DCLK2: variants seen among roughly 807,000 people sequenced by gnomAD.
DCLK2 encodes serine/threonine-protein kinase DCLK2.
A neutral mutation model predicts 78.4 loss-of-function variants in DCLK2; 31 were observed. That is an observed-to-expected ratio of 0.40 (90% CI 0.30 to 0.53). The LOEUF is 0.53. Ranked by LOEUF, DCLK2 falls within the 20% of genes least tolerant of loss-of-function variation. DCLK2 has a pLI of 0.61. For missense variants in DCLK2, 872 were observed against 973.7 expected (o/e 0.90, Z 1.39); for synonymous variants, 407 against 374.9 (o/e 1.09, Z -0.99).
chr4:150,195,437 A>ATATAT (rs1553967387), intron 3 of DCLK2, among the ~76,000 whole-genome samples: 1 of 1,776 alleles, frequency 5.6e-4, no homozygotes, highest in East Asian at 3.0e-3. Flanking sequence ...TATATATTAT[A>ATATAT]TATATAATAT....
intron 2 of DCLK2, among the ~76,000 whole-genome samples, chr4:150,157,313 C>T (rs1430559996): frequency 3.3e-5 from 5 of 151,790 alleles, no homozygotes; most frequent in African/African-American, 9.7e-5. Flanking sequence ...CAAGGTCTTG[C>T]CCTGTCACCC....
intron 12 of DCLK2, among the ~76,000 whole-genome samples, chr4:150,242,548 G>T (rs1743003602): frequency 6.6e-6 from 1 of 152,154 alleles, no homozygotes; most frequent in South Asian, 2.1e-4. Context: ...GGCTCAGCAG[G>T]GGCTTGATGG....
At chr4:150,179,416 G>T (rs1329199437) in intron 2 of DCLK2, among the ~76,000 whole-genome samples, 1 of 152,118 alleles carries the variant, frequency 6.6e-6, no homozygotes, top group Non-Finnish European at 1.5e-5. Flanking sequence ...TTTGCTATTC[G>T]TGCTGAATAG....
intron 1 of DCLK2, among the ~76,000 whole-genome samples, chr4:150,089,397 A>C (rs528304933): frequency 6.6e-6 from 1 of 152,202 alleles, no homozygotes; most frequent in Non-Finnish European, 1.5e-5. Flanking sequence ...CTTTTGAGGA[A>C]AGTTTTGCCT....
chr4:150,185,713 CAAAA>C (rs10706869), intron 2 of DCLK2, among the ~76,000 whole-genome samples: 6 of 141,288 alleles, frequency 4.2e-5, no homozygotes, highest in African/African-American at 1.5e-4. Context: ...GATTTCATCT[CAAAA>C]AAAAAAAAAA....
Position 150,133,819 on chromosome 4 carries a change from A to T in DCLK2, c.756+31007A>T, listed in dbSNP as rs576615628. Among the ~76,000 whole-genome samples the T allele has an allele frequency of 5.1e-4, 78 of 152,354 alleles. 1 individual carries two copies. Among genetic ancestry groups the T allele is most frequent in the African/African-American group, 1.9e-3 (78 of 41,582 alleles). On this transcript the variant is annotated intron_variant, in intron 2 of 15. Transcript: ENST00000296550. ...TTGCATTAGATTCAGTTCATGAGTC[A>T]TGTAAACAAGGGTTGTAGCAAAGCA... is the stretch of plus-strand genomic sequence containing the variant.
At chr4:150,088,177 A>G (rs1267849004) in intron 1 of DCLK2, among the ~76,000 whole-genome samples, 1 of 152,172 alleles carries the variant, frequency 6.6e-6, no homozygotes, top group East Asian at 1.9e-4. Flanking sequence ...TGAAGAATCA[A>G]GAAAAAAGGC....
intron 2 of DCLK2, among the ~76,000 whole-genome samples, chr4:150,136,709 G>T (rs985433628): frequency 6.6e-6 from 1 of 152,118 alleles, no homozygotes; most frequent in Non-Finnish European, 1.5e-5. Flanking sequence ...TTTCTATGTG[G>T]TTAGCAACTG....
At chr4:150,186,795 G>T (rs1007169792) in intron 2 of DCLK2, among the ~76,000 whole-genome samples, 1 of 152,150 alleles carries the variant, frequency 6.6e-6, no homozygotes, top group Non-Finnish European at 1.5e-5. Context: ...TGAGAGGCCA[G>T]AGTGAGAGGA....
At chr4:150,159,406 A>G (rs1735544042) in intron 2 of DCLK2, among the ~76,000 whole-genome samples, 1 of 152,114 alleles carries the variant, frequency 6.6e-6, no homozygotes, top group Admixed American at 6.5e-5. Flanking sequence ...TTCTCTTGTC[A>G]CTTCTTCTCT....
In DCLK2 at chr4:150,256,911, A is replaced by G. The variant is rs1184128629; in HGVS notation, c.*664A>G. On this transcript the variant is annotated 3_prime_UTR_variant, in exon 16 of 16. Coordinates refer to ENST00000296550, the MANE Select transcript of DCLK2 (RefSeq NM_001040260.4). ...TTGGGGCACCAGGCTCCCCAGAGAC[A>G]ATGCTCAGTATTCATTCATACACAG... 1 of 152,324 alleles carries G rather than the reference A, an allele frequency of 6.6e-6. No homozygotes were observed. The highest frequency in any genetic ancestry group is 1.5e-5 in the Non-Finnish European group (1 of 68,136). 9.4% of individuals were successfully genotyped at this position (152,324 alleles called of 1,614,324 possible).
chr4:150,190,839 A>C (rs1280725026), intron 2 of DCLK2, among the ~76,000 whole-genome samples: 1 of 152,012 alleles, frequency 6.6e-6, no homozygotes, highest in East Asian at 1.9e-4. Flanking sequence ...ACAACAAAAC[A>C]CCAGCAGTTT....
In DCLK2 at chr4:150,232,796, G is replaced by T; in HGVS notation, c.1534G>T (p.Val512Leu). The T allele has an allele frequency of 1.2e-6, 2 of 1,613,838 alleles. No individual in the cohort carries two copies. The highest frequency in any genetic ancestry group is 1.7e-6 in the Non-Finnish European group (2 of 1,179,846). The change falls in exon 10 of 16, where the codon GTG becomes TTG. Residue 512 changes from valine (V) to leucine (L), a missense_variant. Val to Leu is a conservative substitution (Grantham distance 32, BLOSUM62 1). Transcript: ENST00000296550. ...CAGGTATCTCCATGGCCTCAGCATCGTGCACAGAGACATCAAACCAGAGAA... is the reference window on the plus strand; with the variant it reads ...CAGGTATCTCCATGGCCTCAGCATCTTGCACAGAGACATCAAACCAGAGAA... ...ALRYLHGLSI[V>L]HRDIKPENLL...
chr4:150,190,252 T>C (rs371130505), intron 2 of DCLK2, among the ~76,000 whole-genome samples: 10,740 of 89,046 alleles, frequency 0.12, 511 homozygotes, highest in African/African-American at 0.14. Flanking sequence ...GATAGATAGA[T>C]AGATAGATAG....
intron 2 of DCLK2, among the ~76,000 whole-genome samples, chr4:150,166,337 T>TA (rs145119463): frequency 4.1e-5 from 6 of 148,012 alleles, no homozygotes; most frequent in African/African-American, 1.3e-4. Context: ...ATAAAATTTT[T>TA]AAAAAAATTA....
At chr4:150,192,495 AC>A (rs1738534490) in intron 2 of DCLK2, among the ~76,000 whole-genome samples, 2 of 151,114 alleles carry the variant, frequency 1.3e-5, no homozygotes, top group East Asian at 3.9e-4. Context: ...AAAAAAAAAA[AC>A]AAGTGAAATT....
At chr4:150,153,403 CTT>C (rs1560816644) in intron 2 of DCLK2, among the ~76,000 whole-genome samples, 1 of 151,852 alleles carries the variant, frequency 6.6e-6, no homozygotes, top group Non-Finnish European at 1.5e-5. Flanking sequence ...CTGTCCTCTA[CTT>C]GACAAACTTT....
intron 14 of DCLK2, 73 bp downstream of exon 14, chr4:150,248,458 G>A: frequency 7.9e-7 from 1 of 1,259,292 alleles, no homozygotes; most frequent in Non-Finnish European, 1.2e-6. Flanking sequence ...TCACTGTGAT[G>A]TTTGCACATG....
intron 1 of DCLK2, among the ~76,000 whole-genome samples, chr4:150,085,745 C>T (rs974975348): frequency 9.2e-5 from 14 of 152,172 alleles, no homozygotes; most frequent in African/African-American, 3.4e-4. Context: ...CATGAGTGAA[C>T]CAAGAGCCCT....
Sources: gnomAD v4.1 joint callset for allele counts (sites outside exome capture counted in the v4.1 genomes callset) on GRCh38, gnomAD v4.1.1 for gene constraint, MANE v1.5 for transcripts, NCBI Gene and HGNC (gene_info 2026-07-23, HGNC 2026-07-21) for gene names.